FUT8: variants seen among roughly 807,000 people sequenced by gnomAD.
The protein encoded by FUT8 is alpha-(1,6)-fucosyltransferase.
In FUT8, 29 loss-of-function variants were observed where a neutral mutation model predicts 71.3. The ratio of observed to expected loss-of-function variants is 0.41; its 90% CI spans 0.30 to 0.55. FUT8 has a LOEUF of 0.55. FUT8 is among the 20% of genes least tolerant of loss of function. FUT8 has a pLI of 0.34. For missense variants in FUT8, 544 were observed against 702.1 expected, an observed-to-expected ratio of 0.77 and a Z score of 2.55; for synonymous variants, 254 against 239.3, an observed-to-expected ratio of 1.06 and a Z score of -0.57.
chr14:65,404,028 G>C, the FUT8 span, among the ~76,000 whole-genome samples: 1 of 151,904 alleles, frequency 6.6e-6, no homozygotes, highest in South Asian at 2.1e-4. Flanking sequence ...CTCTTGAGTA[G>C]CTGGGATTAC....
At chr14:65,662,889 G>T (rs1177642122) in intron 6 of FUT8, among the ~76,000 whole-genome samples, 1 of 152,102 alleles carries the variant, frequency 6.6e-6, no homozygotes, top group Admixed American at 6.6e-5. Context: ...ATTAGAGAAT[G>T]TTGTCTTAAG....
At chr14:65,620,283 A>G (rs1006326777) in intron 5 of FUT8, among the ~76,000 whole-genome samples, 3 of 152,170 alleles carry the variant, frequency 2.0e-5, no homozygotes, top group Non-Finnish European at 4.4e-5. Flanking sequence ...ATTGAAAAAC[A>G]ATCTGTTAAA....
chr14:65,448,342 A>G (rs1285216780), intron 1 of FUT8, among the ~76,000 whole-genome samples: 1 of 152,210 alleles, frequency 6.6e-6, no homozygotes, highest in East Asian at 1.9e-4. Context: ...CAATGGAGCC[A>G]CCATCAAACT....
At chr14:65,601,827 A>AAT (rs1888302685) in intron 3 of FUT8, among the ~76,000 whole-genome samples, 1 of 152,114 alleles carries the variant, frequency 6.6e-6, no homozygotes, top group Non-Finnish European at 1.5e-5. Flanking sequence ...GAGTACTTCA[A>AAT]ATATATATGT....
upstream of FUT8, chr14:65,412,511 A>G (rs1428271718): frequency 1.4e-5 from 5 of 358,894 alleles, no homozygotes; most frequent in East Asian, 7.5e-5. Flanking sequence ...TGCGAGCCGG[A>G]GCCGGCGTGC....
rs1267598255 is a variant in FUT8 at position 65,467,600 on chromosome 14, C to T, written c.-228+11882C>T. On this transcript the variant is annotated intron_variant, in intron 2 of 10. Transcript: ENST00000673929. This position sits in a 1 kb window ranked among gnomAD's most constrained non-coding sequence, Gnocchi z 4.1. ...CAAGCGATCCTCCTGCCTCAGCCTC[C>T]TGAGTAGCTGGAATTAGAGGCGCCC... Among the ~76,000 whole-genome samples the T allele has an allele frequency of 6.6e-6, 1 of 152,166 alleles. No individual in the cohort carries two copies. Among genetic ancestry groups the T allele is most frequent in the Non-Finnish European group, 1.5e-5 (1 of 68,034 alleles).
the FUT8 span, among the ~76,000 whole-genome samples, chr14:65,363,889 C>T: frequency 6.6e-6 from 1 of 152,236 alleles, no homozygotes; most frequent in Non-Finnish European, 1.5e-5. Flanking sequence ...GTATGCTTCT[C>T]TCTTGTTAAC....
chr14:65,692,234 A>AC (rs1412056905), intron 7 of FUT8, among the ~76,000 whole-genome samples: 121 of 147,532 alleles, frequency 8.2e-4, no homozygotes, highest in Non-Finnish European at 1.5e-3. Flanking sequence ...CGGGGGGCTG[A>AC]CCCCCCCACC....
intron 2 of FUT8, among the ~76,000 whole-genome samples, chr14:65,504,391 A>G (rs1213396590): frequency 6.6e-6 from 1 of 152,178 alleles, no homozygotes; most frequent in Admixed American, 6.5e-5. Flanking sequence ...AGCAAAGAAA[A>G]TGTAGACTTC....
chr14:65,554,548 C>T (rs569520751), intron 2 of FUT8, among the ~76,000 whole-genome samples: 3 of 151,766 alleles, frequency 2.0e-5, no homozygotes, highest in African/African-American at 7.2e-5. Context: ...TGCCCAGAAA[C>T]GGGTACCCTT....
chr14:65,580,920 T>A (rs1887056800), intron 3 of FUT8, among the ~76,000 whole-genome samples: 1 of 152,102 alleles, frequency 6.6e-6, no homozygotes, highest in Admixed American at 6.6e-5. Flanking sequence ...TATTGGCTAC[T>A]GGATTTACTA....
intron 2 of FUT8, among the ~76,000 whole-genome samples, chr14:65,552,529 G>A (rs2140008526): frequency 6.6e-6 from 1 of 152,254 alleles, no homozygotes; most frequent in Non-Finnish European, 1.5e-5. Context: ...TAACATGAAT[G>A]ACTGCACTAA....
chr14:65,575,393 A>C (rs764117671), intron 3 of FUT8, among the ~76,000 whole-genome samples: 1 of 152,140 alleles, frequency 6.6e-6, no homozygotes, highest in Non-Finnish European at 1.5e-5. Context: ...TGTATACAGT[A>C]CATATGTAAT....
At chr14:65,593,581 C>CTTTTCT (rs1555374093) in intron 3 of FUT8, among the ~76,000 whole-genome samples, 2 of 147,240 alleles carry the variant, frequency 1.4e-5, no homozygotes, top group Non-Finnish European at 3.0e-5. Context: ...CTTTTCTTTT[C>CTTTTCT]TTTTTTTTTT....
intron 7 of FUT8, among the ~76,000 whole-genome samples, chr14:65,717,788 G>T (rs1895201087): frequency 6.6e-6 from 1 of 151,964 alleles, no homozygotes; most frequent in African/African-American, 2.4e-5. Flanking sequence ...TCCCAGACGG[G>T]GCGGCCAGGC....
intron 1 of FUT8, 134 bp from the exon 2 acceptor site, chr14:65,455,487 G>A (rs2065883845): frequency 2.6e-6 from 1 of 390,234 alleles, no homozygotes; most frequent in African/African-American, 2.1e-5. Flanking sequence ...GAATAAGTCA[G>A]TGTACAAAAT....
Position 65,605,789 on chromosome 14 carries a change from C to T in FUT8, c.204-10189C>T, listed in dbSNP as rs1283436096. On this transcript the variant is annotated intron_variant, in intron 3 of 10. Coordinates refer to ENST00000673929, the MANE Select transcript of FUT8 (RefSeq NM_001371533.1). ...ACTCAGTATCACACTTTTTAATTGTCGCCATTTTAATAGAGGAGAGAGTAT... is the reference window on the plus strand; with the variant it reads ...ACTCAGTATCACACTTTTTAATTGTTGCCATTTTAATAGAGGAGAGAGTAT... Among the ~76,000 whole-genome samples the T allele has an allele frequency of 5.3e-5, 8 of 151,584 alleles. 1 individual carries two copies. In the South Asian group the frequency reaches 8.3e-4, roughly 16 times the overall value.
intron 2 of FUT8, among the ~76,000 whole-genome samples, chr14:65,524,079 C>T (rs1883276768): frequency 6.6e-6 from 1 of 152,068 alleles, no homozygotes; most frequent in Admixed American, 6.6e-5. Context: ...TCCATATGAA[C>T]TTTAAAGTAG....
Position 65,742,644 on chromosome 14 carries a change from A to G in FUT8, c.*234A>G, listed in dbSNP as rs1000667476. 4 of 450,232 alleles carry G rather than the reference A, an allele frequency of 8.9e-6. No individual in the cohort carries two copies. Among genetic ancestry groups the G allele is most frequent in the Admixed American group, 3.6e-5 (1 of 27,946 alleles). 27.9% of individuals were successfully genotyped at this position (450,232 alleles called of 1,614,324 possible). A position where few individuals can be genotyped will look rare whatever the true frequency, so the allele number is the denominator to read the frequency against. ...ATGCACAGTACAATAATGTACTCAC[A>G]TATAACATGCAAACAGGTTGTTTTC... On this transcript the variant is annotated 3_prime_UTR_variant, in exon 11 of 11. Coordinates refer to ENST00000673929, the MANE Select transcript of FUT8 (RefSeq NM_001371533.1).
Sources: allele counts gnomAD v4.1 joint callset (sites outside exome capture counted in the v4.1 genomes callset), GRCh38; gene constraint gnomAD v4.1.1; non-coding constraint Gnocchi (gnomAD v3.1); transcripts MANE v1.5; gene names NCBI Gene and HGNC (gene_info 2026-07-23, HGNC 2026-07-21).